Variants in CMKLR1 observed in about 807,000 individuals in gnomAD.
CMKLR1 encodes chemerin chemokine-like receptor 1.
Under a neutral mutation model 8.2 loss-of-function variants are expected in CMKLR1, and 6 were observed. The observed-to-expected ratio is 0.73, with a 90% CI of 0.40 to 1.44. The LOEUF (loss-of-function observed/expected upper bound fraction) is 1.44, where lower values mean the gene tolerates loss of function less well. Ranked by LOEUF, CMKLR1 falls within the 40% of genes most tolerant of loss-of-function variation. The pLI, the probability that CMKLR1 is intolerant of heterozygous loss-of-function variation, is 0.02. For synonymous variants in CMKLR1, 178 were observed against 181.2 expected (o/e 0.98, Z 0.14); for missense variants, 429 against 478.0 (o/e 0.90, Z 0.96).
chr12:108,330,297 C>G (rs1314723691), intron 1 of CMKLR1, 90 bp from the exon 2 acceptor site: 2 of 152,292 alleles, frequency 1.3e-5, no homozygotes, highest in African/African-American at 4.8e-5. Context: ...AAGCTCCCAG[C>G]TGAATGCAGC....
chr12:108,329,443 T>C lies in CMKLR1; in HGVS notation c.-74+552A>G, dbSNP rs147645365. Among the ~76,000 whole-genome samples the C allele has an allele frequency of 4.6e-5, 7 of 152,356 alleles. No individual in the cohort carries two copies. The East Asian group carries it at 9.6e-4, about 21-fold the overall frequency. ...TCACCCTTTGAACCCAGCTCGAATA[T>C]ATGCTTCCTTCTCGAAGCACTATTT... is the stretch of plus-strand genomic sequence containing the variant. On this transcript the variant is annotated intron_variant, in intron 2 of 3. Transcript: ENST00000550402.
intron 2 of CMKLR1, among the ~76,000 whole-genome samples, chr12:108,296,918 T>C (rs1336337826): frequency 6.6e-6 from 1 of 152,218 alleles, no homozygotes; most frequent in Non-Finnish European, 1.5e-5. Flanking sequence ...CTTCCTCGTG[T>C]TGTTGGGAGA....
chr12:108,314,790 C>T (rs1013452834), intron 2 of CMKLR1, among the ~76,000 whole-genome samples: 5 of 152,076 alleles, frequency 3.3e-5, no homozygotes, highest in African/African-American at 9.7e-5. Context: ...TGAGGTCTTG[C>T]TATATTGCCC....
chr12:108,291,305 A>T lies in CMKLR1; in HGVS notation c.*536T>A, dbSNP rs1890956506. The T allele has an allele frequency of 6.5e-6, 1 of 154,538 alleles. No individual in the cohort carries two copies. Among genetic ancestry groups the T allele is most frequent in the South Asian group, 2.0e-4 (1 of 4,932 alleles). 9.6% of individuals were successfully genotyped at this position (154,538 alleles called of 1,614,324 possible). The stretch of plus-strand genomic sequence containing the variant: ...CATGGCCTATGGAGTTCATGGGCTG[A>T]TATGTCACCTTCCTCTCCCAGATCA... On this transcript the variant is annotated 3_prime_UTR_variant, in exon 4 of 4. Coordinates refer to ENST00000550402, the MANE Select transcript of CMKLR1 (RefSeq NM_001142343.2).
chr12:108,326,258 G>A (rs79824118), intron 2 of CMKLR1, among the ~76,000 whole-genome samples: 6 of 152,140 alleles, frequency 3.9e-5, no homozygotes, highest in African/African-American at 9.7e-5. Context: ...GCTGTGGCTT[G>A]CTTGTCTCTA....
chr12:108,297,862 T>C (rs2137298884), intron 2 of CMKLR1, among the ~76,000 whole-genome samples: 1 of 152,332 alleles, frequency 6.6e-6, no homozygotes, highest in Middle Eastern at 3.4e-3. Context: ...CCTTCATAGA[T>C]TTCCCTTCAT....
At chr12:108,306,391 CCT>C (rs1482030530) in intron 2 of CMKLR1, among the ~76,000 whole-genome samples, 1 of 93,166 alleles carries the variant, frequency 1.1e-5, no homozygotes, top group South Asian at 3.8e-4. Flanking sequence ...TCGTTAATCA[CCT>C]CATTTGAGTG....
chr12:108,291,057 C>T lies in CMKLR1; in HGVS notation c.*784G>A, dbSNP rs1890949268. 1 of 152,330 alleles carries T rather than the reference C, an allele frequency of 6.6e-6. No individual in the cohort carries two copies. Among genetic ancestry groups the T allele is most frequent in the East Asian group, 1.9e-4 (1 of 5,200 alleles). The allele number at this position is 152,330 out of a possible 1,614,324, so 9.4% of individuals were successfully genotyped here. ...AGGTGAGATCAGGGGCTGGCACCAC[C>T]CTGACGCCCCAAATAGCTCCAGCCT... On this transcript the variant is annotated 3_prime_UTR_variant, in exon 4 of 4. Transcript: ENST00000550402.
intron 1 of CMKLR1, among the ~76,000 whole-genome samples, chr12:108,338,245 A>G (rs1458865768): frequency 2.0e-5 from 3 of 152,184 alleles, no homozygotes; most frequent in South Asian, 2.1e-4. Context: ...TCCTTTATAT[A>G]CAAAGAACCC....
intron 2 of CMKLR1, among the ~76,000 whole-genome samples, chr12:108,329,111 G>A (rs1316808371): frequency 2.6e-5 from 4 of 152,146 alleles, no homozygotes; most frequent in East Asian, 3.8e-4. Context: ...AATTAGCTTC[G>A]GGTTGTCTGG....
chr12:108,323,091 C>T (rs1443905674), intron 2 of CMKLR1, among the ~76,000 whole-genome samples: 1 of 152,164 alleles, frequency 6.6e-6, no homozygotes, highest in African/African-American at 2.4e-5. Context: ...CAACTTCACG[C>T]CTTGGGATTT....
intron 2 of CMKLR1, among the ~76,000 whole-genome samples, chr12:108,321,648 A>G (rs1891864617): frequency 1.3e-5 from 2 of 152,284 alleles, no homozygotes; most frequent in African/African-American, 4.8e-5. Context: ...AATCTGAGAC[A>G]GGGATCCAGA....
chr12:108,315,210 A>G (rs928316171), intron 2 of CMKLR1, among the ~76,000 whole-genome samples: 1 of 152,142 alleles, frequency 6.6e-6, no homozygotes, highest in African/African-American at 2.4e-5. Flanking sequence ...GGTGTGAGCC[A>G]CTGCACCCAG....
intron 2 of CMKLR1, among the ~76,000 whole-genome samples, chr12:108,314,127 A>G (rs1891657523): frequency 6.6e-6 from 1 of 152,122 alleles, no homozygotes; most frequent in South Asian, 2.1e-4. Flanking sequence ...GCAGCTGTGG[A>G]TGGTGGGAGG....
intron 1 of CMKLR1, among the ~76,000 whole-genome samples, chr12:108,331,829 G>T (rs992391025): frequency 6.6e-6 from 1 of 152,188 alleles, no homozygotes; most frequent in Non-Finnish European, 1.5e-5. Flanking sequence ...AGGGCAAACA[G>T]ATTCTCCCCT....
chr12:108,299,468 T>C (rs1456162027), intron 2 of CMKLR1, among the ~76,000 whole-genome samples: 2 of 152,160 alleles, frequency 1.3e-5, no homozygotes, highest in Non-Finnish European at 1.5e-5. Context: ...CTCTCCTTCC[T>C]GTAGTAAGTG....
At chr12:108,318,277 T>C (rs927983185) in intron 2 of CMKLR1, among the ~76,000 whole-genome samples, 2 of 152,254 alleles carry the variant, frequency 1.3e-5, no homozygotes, top group Admixed American at 1.3e-4. Flanking sequence ...TCTTTTATAA[T>C]GAGCAAATGG....
At position 108,306,109 on chromosome 12, in the gene CMKLR1, G is replaced by A. The variant is rs1264644143; in HGVS notation, c.-73-12445C>T. The stretch of plus-strand genomic sequence containing the variant: ...TGTTCTGTGCCCTACAGGCTGACCT[G>A]CTTGAAAATCTCAATAGGCTGTTTG... On this transcript the variant is annotated intron_variant, in intron 2 of 3. Transcript: ENST00000550402. 2.0e-5 allele frequency among the ~76,000 whole-genome samples: 3 copies of A among 152,198 alleles called. No individual in the cohort carries two copies. In the East Asian group the frequency reaches 5.8e-4, roughly 29 times the overall value.
At chr12:108,310,780 C>T (rs149323075) in intron 2 of CMKLR1, among the ~76,000 whole-genome samples, 1 of 152,290 alleles carries the variant, frequency 6.6e-6, no homozygotes, top group East Asian at 1.9e-4. Context: ...CTATGGTTGC[C>T]ATGGTAACAC....
Sources: allele counts gnomAD v4.1 joint callset (sites outside exome capture counted in the v4.1 genomes callset), GRCh38; gene constraint gnomAD v4.1.1; transcripts MANE v1.5; gene names NCBI Gene and HGNC (gene_info 2026-07-23, HGNC 2026-07-21).